The following TRAPPC8 variants were observed in gnomAD, a reference collection of about 807,000 sequenced individuals.
The protein encoded by TRAPPC8 is general sporulation gene 1 homolog.
In TRAPPC8, 54 loss-of-function variants were observed where a neutral mutation model predicts 174.3. The ratio of observed to expected loss-of-function variants is 0.31; its 90% CI spans 0.25 to 0.39. TRAPPC8 has a LOEUF of 0.39. TRAPPC8 is among the 10% of genes least tolerant of loss of function. TRAPPC8 has a pLI of 1.00. For synonymous variants in TRAPPC8, 630 were observed against 579.9 expected, an observed-to-expected ratio of 1.09 and a Z score of -1.24; for missense variants, 1,531 against 1,699.1, an observed-to-expected ratio of 0.90 and a Z score of 1.74.
chr18:31,857,957 C>T lies in TRAPPC8; in HGVS notation c.2771G>A (p.Gly924Glu), dbSNP rs2034118478. The T allele has an allele frequency of 6.2e-7, 1 of 1,610,560 alleles. No homozygotes were observed. Among genetic ancestry groups the T allele is most frequent in the South Asian group, 1.1e-5 (1 of 90,718 alleles). The change falls in exon 20 of 29, where the codon GGG becomes GAG. Residue 924 changes from glycine (G) to glutamate (E), a missense_variant. Coordinates refer to ENST00000283351, the MANE Select transcript of TRAPPC8 (RefSeq NM_014939.5). Reference sequence around the variant, plus strand: ...TTTTCGGATTTCTCCACAGAGAAGCCCTGTAGGAAAATGTATAAAGAACAC... The same window carrying T: ...TTTTCGGATTTCTCCACAGAGAAGCTCTGTAGGAAAATGTATAAAGAACAC... The part of the protein sequence containing the change: ...LEVFFIHFPT[G>E]LLCGEIRKAY...
intron 2 of TRAPPC8, among the ~76,000 whole-genome samples, chr18:31,921,143 G>A (rs567031258): frequency 2.2e-4 from 34 of 152,106 alleles, no homozygotes; most frequent in African/African-American, 8.0e-4. Context: ...AAAAGCGACA[G>A]CAGAAAAGTA....
intron 27 of TRAPPC8, among the ~76,000 whole-genome samples, chr18:31,833,724 C>T (rs2032518700): frequency 6.6e-5 from 10 of 152,112 alleles, no homozygotes; most frequent in Admixed American, 6.5e-4. Flanking sequence ...CATTCCTAGG[C>T]TGGGCACGGT....
intron 2 of TRAPPC8, among the ~76,000 whole-genome samples, chr18:31,918,127 A>AAAT (rs755181174): frequency 5.1e-4 from 77 of 151,954 alleles, no homozygotes; most frequent in Non-Finnish European, 6.9e-4. Context: ...CTCCGTCTCA[A>AAAT]AATAATAATA....
chr18:31,848,562 A>G (rs1192961085), intron 25 of TRAPPC8, among the ~76,000 whole-genome samples: 1 of 152,210 alleles, frequency 6.6e-6, no homozygotes, highest in East Asian at 1.9e-4. Context: ...CAATTTACTT[A>G]GTAGATTTCA....
intron 16 of TRAPPC8, 105 bp downstream of exon 16, chr18:31,870,267 A>G: frequency 9.5e-7 from 1 of 1,049,510 alleles, no homozygotes; most frequent in African/African-American, 1.6e-5. Flanking sequence ...GGAAAAATAA[A>G]CCAAAAAGAA....
chr18:31,882,672 A>G (rs965387463), intron 12 of TRAPPC8, among the ~76,000 whole-genome samples: 1 of 151,898 alleles, frequency 6.6e-6, no homozygotes, highest in Non-Finnish European at 1.5e-5. Context: ...GTTGGAGTGA[A>G]GTGGCACGAT....
rs537948011 is a variant in TRAPPC8 at position 31,861,918 on chromosome 18, G to A, written c.2745+2709C>T. Among the ~76,000 whole-genome samples the A allele has an allele frequency of 3.3e-5, 3 of 90,990 alleles. No homozygotes were observed. In the East Asian group the frequency reaches 1.1e-3, roughly 32 times the overall value. The allele number at this position is 90,990 out of a possible 152,430, so 59.7% of individuals were successfully genotyped here. A position where few individuals can be genotyped will look rare whatever the true frequency, so the allele number is the denominator to read the frequency against. ...TCAGCCTGGGTGACAGAGCGATCCC[G>A]TCTCCAGAAAAAAAAAAAGGGGGGG... On this transcript the variant is annotated intron_variant, in intron 19 of 28. Coordinates refer to ENST00000283351, the MANE Select transcript of TRAPPC8 (RefSeq NM_014939.5).
chr18:31,839,567 G>T, intron 26 of TRAPPC8, 110 bp from the exon 27 acceptor site: 1 of 973,326 alleles, frequency 1.0e-6, no homozygotes, highest in Non-Finnish European at 1.4e-6. Flanking sequence ...ATAATGTAAT[G>T]CATGAACAGT....
intron 28 of TRAPPC8, 143 bp from the exon 29 acceptor site, chr18:31,831,132 C>T: frequency 1.6e-6 from 1 of 634,516 alleles, no homozygotes; most frequent in Non-Finnish European, 2.7e-6. Flanking sequence ...GCAGGTGGAT[C>T]ACCTGAGATC....
chr18:31,909,644 A>C (rs1263519475), intron 6 of TRAPPC8, 23 bp downstream of exon 6: 1 of 1,583,604 alleles, frequency 6.3e-7, no homozygotes, highest in Non-Finnish European at 8.5e-7. Context: ...CAAAAGAGAA[A>C]CTTAGAGAAA....
At chr18:31,870,837 A>G in intron 15 of TRAPPC8, 89 bp downstream of exon 15, 1 of 1,227,944 alleles carries the variant, frequency 8.1e-7, no homozygotes, top group South Asian at 1.9e-5. Context: ...CATCCCCAGC[A>G]CCAATTATGT....
chr18:31,929,659 C>T (rs1568149600), intron 2 of TRAPPC8, among the ~76,000 whole-genome samples: 1 of 152,062 alleles, frequency 6.6e-6, no homozygotes, highest in Non-Finnish European at 1.5e-5. Context: ...GAGTGAGACC[C>T]TGTCACAAAA....
intron 9 of TRAPPC8, among the ~76,000 whole-genome samples, chr18:31,903,440 C>T (rs2036530896): frequency 6.6e-6 from 1 of 152,166 alleles, no homozygotes; most frequent in African/African-American, 2.4e-5. Context: ...TGTATATATA[C>T]TACCAGATTA....
chr18:31,869,473 A>C (rs1002541518), intron 16 of TRAPPC8, among the ~76,000 whole-genome samples: 2 of 152,210 alleles, frequency 1.3e-5, no homozygotes, highest in Non-Finnish European at 2.9e-5. Flanking sequence ...TTATGAAACC[A>C]GCAGGGCACT....
At position 31,942,634 on chromosome 18, in the gene TRAPPC8, T is replaced by C. The variant is rs1165006304; in HGVS notation, c.131A>G (p.Lys44Arg). 3 of 1,610,910 alleles carry C rather than the reference T, an allele frequency of 1.9e-6. No individual in the cohort carries two copies. The highest frequency in any genetic ancestry group is 1.7e-6 in the Non-Finnish European group (2 of 1,178,604). Reference sequence around the variant, plus strand: ...CTCGGAAGTGAGGCGGGAGAAGGGCTTAAGCAGCTCCGCGAAGCTGAGGTG... The same window carrying C: ...CTCGGAAGTGAGGCGGGAGAAGGGCCTAAGCAGCTCCGCGAAGCTGAGGTG... ...LNHLSFAELL[K>R]PFSRLTSEVH... The change falls in exon 1 of 29, where the codon AAG becomes AGG. Residue 44 changes from lysine (K) to arginine (R), a missense_variant. Lys to Arg is a conservative substitution (Grantham distance 26, BLOSUM62 2). Coordinates refer to ENST00000283351, the MANE Select transcript of TRAPPC8 (RefSeq NM_014939.5).
intron 4 of TRAPPC8, 79 bp downstream of exon 4, chr18:31,916,193 C>T: frequency 3.7e-6 from 4 of 1,086,940 alleles, no homozygotes; most frequent in Non-Finnish European, 4.9e-6. Flanking sequence ...AAAATAAATC[C>T]AAAACGTAAA....
At chr18:31,855,480 A>G (rs1297038185) in intron 21 of TRAPPC8, among the ~76,000 whole-genome samples, 180 bp downstream of exon 21, 1 of 152,226 alleles carries the variant, frequency 6.6e-6, no homozygotes, top group Non-Finnish European at 1.5e-5. Context: ...TTGAAGACAG[A>G]CTAAGGGATA....
intron 4 of TRAPPC8, among the ~76,000 whole-genome samples, chr18:31,914,229 A>G (rs2037041556): frequency 1.3e-5 from 2 of 152,110 alleles, no homozygotes; most frequent in African/African-American, 4.8e-5. Flanking sequence ...TATGTAAGCA[A>G]CAAGCCTAGC....
intron 13 of TRAPPC8, chr18:31,874,071 C>T (rs1298619574): frequency 9.5e-6 from 2 of 211,156 alleles, no homozygotes; most frequent in Non-Finnish European, 1.9e-5. Flanking sequence ...GTCTACTTTC[C>T]ACAGATCCAT....
Sources: allele counts gnomAD v4.1 joint callset (sites outside exome capture counted in the v4.1 genomes callset), GRCh38; gene constraint gnomAD v4.1.1; transcripts MANE v1.5; gene names NCBI Gene and HGNC (gene_info 2026-07-23, HGNC 2026-07-21).